PBX1: variants seen among roughly 807,000 people sequenced by gnomAD.
The protein encoded by PBX1 is pre-B-cell leukemia transcription factor 1.
PBX1 carries 6 observed loss-of-function variants against 53.4 expected under a neutral mutation model. The observed-to-expected ratio is 0.11, with a 90% confidence interval of 0.06 to 0.22. The LOEUF (loss-of-function observed/expected upper bound fraction) is 0.22. Ranked by LOEUF, PBX1 falls within the 10% of genes least tolerant of loss-of-function variation. PBX1 has a pLI of 1.00. For missense variants in PBX1, 251 were observed against 551.4 expected (o/e 0.46, Z 5.46); for synonymous variants, 204 against 212.3 (o/e 0.96, Z 0.34).
intron 2 of PBX1, among the ~76,000 whole-genome samples, chr1:164,779,680 G>T (rs567278905): frequency 6.6e-6 from 1 of 152,216 alleles, no homozygotes; most frequent in Non-Finnish European, 1.5e-5. Context: ...CAAAGGATTT[G>T]CAGGGTGCTT....
rs191747186 is a variant in PBX1 at position 164,692,520 on chromosome 1, G to A, written c.266-99974G>A. 3.1e-3 allele frequency among the ~76,000 whole-genome samples: 468 copies of A among 151,944 alleles called. 6 individuals are homozygous for A. The highest frequency in any genetic ancestry group is 0.011 in the African/African-American group (449 of 41,446). ...CCACCCCACCACTCCCTCCCCTCCT[G>A]CTTTTCAATTATAATAATGATAACT... On this transcript the variant is annotated intron_variant, in intron 2 of 8. Coordinates refer to ENST00000420696, the MANE Select transcript of PBX1 (RefSeq NM_002585.4).
intron 2 of PBX1, among the ~76,000 whole-genome samples, chr1:164,564,991 T>C (rs907771682): frequency 1.3e-5 from 2 of 152,172 alleles, no homozygotes; most frequent in Non-Finnish European, 2.9e-5. Context: ...TGTGATAATA[T>C]GGACTAAAGA....
rs371470692 is a variant in PBX1 at position 164,574,859 on chromosome 1, G to A, written c.265+11548G>A. Among the ~76,000 whole-genome samples the A allele has an allele frequency of 1.1e-4, 16 of 152,254 alleles. No individual in the cohort carries two copies. The East Asian group carries it at 2.7e-3, about 26-fold the overall frequency. On this transcript the variant is annotated intron_variant, in intron 2 of 8. Transcript: ENST00000420696. ...TAGCTGGGTGTGGTGGTGGGCACCT[G>A]TAACCCCAACTACTTGGGAGGCTGA... is the stretch of plus-strand genomic sequence containing the variant.
rs1043951572 is a variant in PBX1, at chr1:164,743,161, C to A, written c.266-49333C>A. On this transcript the variant is annotated intron_variant, in intron 2 of 8. Transcript: ENST00000420696. ...CTATTGTATTCCTTCCGTACAAACACCCAGTCGATGGCTACACAATAAGAT... is the reference window on the plus strand; with the variant it reads ...CTATTGTATTCCTTCCGTACAAACAACCAGTCGATGGCTACACAATAAGAT... Among the ~76,000 whole-genome samples, 4 of 152,266 alleles carry A rather than the reference C, an allele frequency of 2.6e-5. No individual in the cohort carries two copies. The East Asian group carries it at 7.7e-4, about 29-fold the overall frequency.
At chr1:164,609,816 C>T (rs1656789924) in intron 2 of PBX1, among the ~76,000 whole-genome samples, 1 of 152,162 alleles carries the variant, frequency 6.6e-6, no homozygotes, top group Non-Finnish European at 1.5e-5. Flanking sequence ...ACGTAGTAGG[C>T]ACTCAGTCTT....
chr1:164,884,540 A>C, intron 2 of PBX1: 1 of 509,588 alleles, frequency 2.0e-6, no homozygotes, highest in Non-Finnish European at 3.8e-6. Flanking sequence ...CCTTCTTACC[A>C]GGAAATTGCA....
intron 8 of PBX1, among the ~76,000 whole-genome samples, chr1:164,834,180 A>C (rs1670914361): frequency 6.6e-6 from 1 of 151,134 alleles, no homozygotes; most frequent in South Asian, 2.1e-4. Flanking sequence ...TCATTCACTC[A>C]TTCACTCATT....
At chr1:164,861,938 A>C (rs1043809964) in intron 2 of PBX1, among the ~76,000 whole-genome samples, 2 of 152,204 alleles carry the variant, frequency 1.3e-5, no homozygotes, top group Admixed American at 6.5e-5. Context: ...TGCAGTCAGA[A>C]ATTTAATGGT....
intron 2 of PBX1, among the ~76,000 whole-genome samples, chr1:164,670,128 G>A (rs1661035402): frequency 6.6e-6 from 1 of 152,134 alleles, no homozygotes; most frequent in South Asian, 2.1e-4. Context: ...GTGACCAGAG[G>A]CGCCTCCTGA....
rs897808909 is a variant in PBX1, at chr1:164,860,027, C to T, written n.257+28544C>T. Among the ~76,000 whole-genome samples the T allele has an allele frequency of 2.0e-5, 3 of 152,138 alleles. No individual in the cohort carries two copies. The East Asian group carries it at 5.8e-4, about 29-fold the overall frequency. On this transcript the variant is annotated intron_variant and non_coding_transcript_variant, in intron 2 of 2. Transcript: ENST00000558796. ...GATGACTTGGAGTAGCTAATCCTAT[C>T]ATGGGATGGAACTATAGGAAGCCCA...
chr1:164,754,700 T>C (rs1461135964), intron 2 of PBX1, among the ~76,000 whole-genome samples: 2 of 152,176 alleles, frequency 1.3e-5, no homozygotes, highest in Admixed American at 1.3e-4. Flanking sequence ...TGTGTGTGTG[T>C]GTGAGAGAGA....
At chr1:164,640,580 G>A (rs1276995280) in intron 2 of PBX1, among the ~76,000 whole-genome samples, 1 of 108,782 alleles carries the variant, frequency 9.2e-6, no homozygotes, top group Non-Finnish European at 1.9e-5. Context: ...TTTTTTAGAC[G>A]AAATTTTGCT....
chr1:164,631,719 C>A (rs1361479011), intron 2 of PBX1, among the ~76,000 whole-genome samples: 2 of 152,136 alleles, frequency 1.3e-5, no homozygotes, highest in Non-Finnish European at 2.9e-5. Flanking sequence ...TTTAAACAAA[C>A]AAGAGTACAG....
intron 2 of PBX1, among the ~76,000 whole-genome samples, chr1:164,648,442 T>C (rs745870755): frequency 5.9e-5 from 9 of 152,190 alleles, no homozygotes; most frequent in Non-Finnish European, 1.3e-4. Context: ...CCACTGAAAG[T>C]GTTAGCCACA....
At chr1:164,734,733 G>A (rs1050689427) in intron 2 of PBX1, among the ~76,000 whole-genome samples, 4 of 152,058 alleles carry the variant, frequency 2.6e-5, no homozygotes, top group Non-Finnish European at 4.4e-5. Flanking sequence ...TTCTCTTGTC[G>A]TTATATTTAC....
intron 2 of PBX1, among the ~76,000 whole-genome samples, chr1:164,870,219 T>C (rs1395413311): frequency 3.7e-5 from 1 of 26,796 alleles, no homozygotes; most frequent in Non-Finnish European, 7.8e-5. Context: ...TTTTCTTTCT[T>C]TCCTTCCTTC....
At position 164,565,692 on chromosome 1, in the gene PBX1, A is replaced by G. The variant is rs116400323; in HGVS notation, c.265+2381A>G. On this transcript the variant is annotated intron_variant, in intron 2 of 8. Transcript: ENST00000420696. ...TGGAACCTTCAATCTTTTTGCCAGC[A>G]TATCTTTCATGCAGTTGATGGGTCG... 4.9e-3 allele frequency among the ~76,000 whole-genome samples: 739 copies of G among 151,838 alleles called. 6 individuals are homozygous for G. Among genetic ancestry groups the G allele is most frequent in the African/African-American group, 0.016 (679 of 41,384 alleles).
intron 6 of PBX1, chr1:164,813,053 C>T (rs922057973): frequency 1.3e-5 from 2 of 152,074 alleles, no homozygotes; most frequent in South Asian, 2.1e-4. Context: ...TATGTTTGAT[C>T]GTAATATGAT....
intron 2 of PBX1, among the ~76,000 whole-genome samples, chr1:164,713,275 G>A (rs139784415): frequency 2.3e-3 from 354 of 152,268 alleles, no homozygotes; most frequent in Non-Finnish European, 4.1e-3. Context: ...GCTTCTAGAT[G>A]TAATTCTCTA....
Sources: allele counts gnomAD v4.1 joint callset (sites outside exome capture counted in the v4.1 genomes callset), GRCh38; gene constraint gnomAD v4.1.1; transcripts MANE v1.5; gene names NCBI Gene and HGNC (gene_info 2026-07-23, HGNC 2026-07-21).